MAST4: variants seen among roughly 807,000 people sequenced by gnomAD.
The protein encoded by MAST4 is microtubule-associated serine/threonine-protein kinase 4.
MAST4 carries 89 observed loss-of-function variants against 162.7 expected under a neutral mutation model. That is an observed-to-expected ratio of 0.55 (90% CI 0.46 to 0.65). The LOEUF is 0.65. Ranked by LOEUF, MAST4 falls within the 30% of genes least tolerant of loss-of-function variation. The probability of loss-of-function intolerance (pLI) is 0.00; values close to 1 mark genes in which losing one functional copy is unlikely to be tolerated. For missense variants in MAST4, 3,153 were observed against 3,374.0 expected (o/e 0.93, Z 1.62); for synonymous variants, 1,479 against 1,361.1 (o/e 1.09, Z -1.91).
intron 3 of MAST4, among the ~76,000 whole-genome samples, chr5:66,858,249 C>G (rs1395560156): frequency 2.0e-5 from 3 of 152,196 alleles, no homozygotes; most frequent in East Asian, 1.9e-4. Flanking sequence ...AAGTGATCCT[C>G]CCGCCTCAGC....
intron 3 of MAST4, among the ~76,000 whole-genome samples, chr5:66,837,661 C>A (rs763717163): frequency 7.3e-5 from 11 of 151,716 alleles, no homozygotes; most frequent in Non-Finnish European, 1.5e-4. Flanking sequence ...AGTCTAGATA[C>A]AATCACAGCA....
intron 19 of MAST4, among the ~76,000 whole-genome samples, chr5:67,139,281 G>A (rs193140272): frequency 8.9e-4 from 136 of 152,332 alleles, no homozygotes; most frequent in African/African-American, 3.2e-3. Context: ...GAAAATGTGC[G>A]AATGCACATT....
intron 12 of MAST4, chr5:67,114,432 G>A (rs1047678510): frequency 2.5e-5 from 13 of 516,692 alleles, no homozygotes; most frequent in East Asian, 1.2e-4. Flanking sequence ...TACCTAGAGC[G>A]TGGGTCAGGC....
intron 26 of MAST4, among the ~76,000 whole-genome samples, chr5:67,155,952 C>T (rs545167440): frequency 2.0e-5 from 3 of 151,506 alleles, no homozygotes; most frequent in Non-Finnish European, 4.4e-5. Flanking sequence ...CCCAGCTACT[C>T]AGGAGGCTGA....
intron 1 of MAST4, among the ~76,000 whole-genome samples, chr5:66,687,532 A>G (rs532828674): frequency 6.6e-6 from 1 of 152,024 alleles, no homozygotes; most frequent in African/African-American, 2.4e-5. Flanking sequence ...GTACATGTGT[A>G]TATATGTATG....
intron 4 of MAST4, among the ~76,000 whole-genome samples, chr5:66,956,345 T>C (rs1312552354): frequency 6.6e-6 from 1 of 152,042 alleles, no homozygotes; most frequent in Non-Finnish European, 1.5e-5. Flanking sequence ...CTACTTCATG[T>C]GTGTTGTCTT....
chr5:67,025,708 C>T (rs367632562), intron 4 of MAST4, among the ~76,000 whole-genome samples: 16 of 152,308 alleles, frequency 1.1e-4, no homozygotes, highest in African/African-American at 3.6e-4. Context: ...AAAGTGCTGG[C>T]TTTCATCAGT....
intron 5 of MAST4, among the ~76,000 whole-genome samples, chr5:67,086,601 A>C (rs911523402): frequency 2.0e-5 from 3 of 152,340 alleles, no homozygotes; most frequent in Non-Finnish European, 4.4e-5. Context: ...AGCAGTCTAT[A>C]AAGTGTCCTA....
chr5:66,600,255 T>C (rs774371196), intron 1 of MAST4, among the ~76,000 whole-genome samples: 8 of 152,208 alleles, frequency 5.3e-5, no homozygotes, highest in Non-Finnish European at 1.0e-4. Context: ...TTAAGGAAAC[T>C]GTATCTGACT....
At chr5:66,863,945 C>T (rs991345840) in intron 3 of MAST4, among the ~76,000 whole-genome samples, 2 of 152,216 alleles carry the variant, frequency 1.3e-5, no homozygotes, top group South Asian at 2.1e-4. Flanking sequence ...TCTCAAGCCA[C>T]CCAGTGTGAG....
chr5:66,723,853 C>T (rs965329757), intron 1 of MAST4, among the ~76,000 whole-genome samples: 1 of 152,068 alleles, frequency 6.6e-6, no homozygotes, highest in Non-Finnish European at 1.5e-5. Context: ...GTTATGACTT[C>T]CTGGTTTGTT....
At chr5:66,907,857 CAAAAT>C (rs1371539984) in intron 4 of MAST4, among the ~76,000 whole-genome samples, 1 of 151,836 alleles carries the variant, frequency 6.6e-6, no homozygotes, top group African/African-American at 2.4e-5. Flanking sequence ...TTAATTCAAA[CAAAAT>C]AAAGGATGTG....
chr5:66,824,571 A>G (rs927266645), intron 3 of MAST4, among the ~76,000 whole-genome samples: 17 of 152,246 alleles, frequency 1.1e-4, no homozygotes, highest in Non-Finnish European at 2.2e-4. Flanking sequence ...AATGGGTAAC[A>G]TCGGAAGATT....
At chr5:66,760,123 A>G (rs1035389583) in intron 2 of MAST4, among the ~76,000 whole-genome samples, 2 of 139,096 alleles carry the variant, frequency 1.4e-5, no homozygotes, top group African/African-American at 5.2e-5. Context: ...TTATTTATTT[A>G]TTTTTTGAGA....
intron 1 of MAST4, among the ~76,000 whole-genome samples, chr5:66,624,148 T>TTTTG (rs1284781453): frequency 0.01 from 606 of 57,756 alleles, 26 homozygotes; most frequent in Admixed American, 0.07. Context: ...GTTAAAATGT[T>TTTTG]TTTTTTTTTT....
chr5:66,699,347 T>G (rs1406064040), intron 1 of MAST4, among the ~76,000 whole-genome samples: 1 of 152,226 alleles, frequency 6.6e-6, no homozygotes, highest in Non-Finnish European at 1.5e-5. Flanking sequence ...CCTGGAATTC[T>G]TTAGCACATT....
chr5:66,651,620 T>A (rs886712397), intron 1 of MAST4, among the ~76,000 whole-genome samples: 3 of 152,118 alleles, frequency 2.0e-5, no homozygotes, highest in African/African-American at 7.2e-5. Flanking sequence ...GACAAATTCC[T>A]CCAAAATGTA....
chr5:66,920,583 C>T (rs949441001), intron 4 of MAST4, among the ~76,000 whole-genome samples: 1 of 152,072 alleles, frequency 6.6e-6, no homozygotes, highest in African/African-American at 2.4e-5. Flanking sequence ...CTCCGCCTTC[C>T]AGGTTCAAGG....
In MAST4 at chr5:67,142,439, A is replaced by T; in HGVS notation, c.2636A>T (p.His879Leu). The T allele has an allele frequency of 6.3e-7, 1 of 1,599,702 alleles. No homozygotes were observed. The highest frequency in any genetic ancestry group is 1.7e-5 in the Admixed American group (1 of 57,904). The stretch of plus-strand genomic sequence containing the variant: ...ACTGCAGCTCGGTCTGAGAAGTATC[A>T]TCATATGGAAACGGAGGAAGAAGAT... ...SYFDTRSEKY[H>L]HMETEEEDDT... Residue 879 changes from histidine to leucine, a missense_variant, in exon 21 of 29, where the codon CAT becomes CTT. Physicochemically the swap from His to Leu is moderately conservative, Grantham distance 99 (BLOSUM62 -3). Around this residue, in one of 7 missense-constraint regions of MAST4, gnomAD observed 619 missense variants for 744.2 expected, o/e 0.83. Coordinates refer to ENST00000403625, the MANE Select transcript of MAST4 (RefSeq NM_001164664.2).
Sources: allele counts gnomAD v4.1 joint callset (sites outside exome capture counted in the v4.1 genomes callset), GRCh38; gene constraint gnomAD v4.1.1; regional missense constraint gnomAD v4.1.1; transcripts MANE v1.5; gene names NCBI Gene and HGNC (gene_info 2026-07-23, HGNC 2026-07-21).